Variants in SAMD13 observed in about 807,000 individuals in gnomAD.
The protein encoded by SAMD13 is sterile alpha motif domain-containing protein 13.
Under a neutral mutation model 12.4 loss-of-function variants are expected in SAMD13, and 9 were observed. The ratio of observed to expected loss-of-function variants is 0.72; its 90% confidence interval spans 0.44 to 1.26. The LOEUF is 1.26. SAMD13 is among the 50% of genes most tolerant of loss of function. The pLI, the probability that SAMD13 is intolerant of heterozygous loss-of-function variation, is 0.00. For synonymous variants in SAMD13, 46 were observed against 45.4 expected, an observed-to-expected ratio of 1.01 and a Z score of -0.05; for missense variants, 84 against 119.6, an observed-to-expected ratio of 0.70 and a Z score of 1.39.
At chr1:84,325,145 G>A (rs1679029684) in intron 2 of SAMD13, among the ~76,000 whole-genome samples, 1 of 152,168 alleles carries the variant, frequency 6.6e-6, no homozygotes, top group Admixed American at 6.5e-5. Flanking sequence ...ATGCTTCAAA[G>A]AGGAGGTAGT....
intron 3 of SAMD13, among the ~76,000 whole-genome samples, chr1:84,344,046 G>A (rs1024906514): frequency 6.7e-6 from 1 of 148,980 alleles, no homozygotes; most frequent in African/African-American, 2.5e-5. Context: ...CATCAGAAAT[G>A]TGTTTCAGGT....
chr1:84,308,556 G>T (rs1050195748), intron 2 of SAMD13, among the ~76,000 whole-genome samples: 1 of 152,108 alleles, frequency 6.6e-6, no homozygotes, highest in Non-Finnish European at 1.5e-5. Flanking sequence ...TTGCTTCTGG[G>T]CATCAGAAAG....
intron 3 of SAMD13, among the ~76,000 whole-genome samples, chr1:84,341,747 G>A (rs948290885): frequency 6.6e-6 from 1 of 152,064 alleles, no homozygotes; most frequent in Non-Finnish European, 1.5e-5. Flanking sequence ...AGAATGAGGA[G>A]TGAGAGACAG....
intron 2 of SAMD13, among the ~76,000 whole-genome samples, chr1:84,323,353 A>G (rs1678985524): frequency 6.6e-6 from 1 of 152,152 alleles, no homozygotes; most frequent in South Asian, 2.1e-4. Flanking sequence ...ATTTAGTAAC[A>G]TTAGGGTGAA....
Position 84,349,825 on chromosome 1 carries a change from T to G in SAMD13, c.*51T>G. On this transcript the variant is annotated 3_prime_UTR_variant, in exon 4 of 4. Transcript: ENST00000394834. ...TCAAAAAATACATAATGACATAATT[T>G]AGTTTCATGTAATGAAACTTTGTAA... The G allele has an allele frequency of 6.4e-7, 1 of 1,569,590 alleles. No homozygotes were observed. The highest frequency in any genetic ancestry group is 1.2e-5 in the South Asian group (1 of 84,050).
At chr1:84,304,999 G>A (rs1678536441) in intron 2 of SAMD13, among the ~76,000 whole-genome samples, 1 of 152,118 alleles carries the variant, frequency 6.6e-6, no homozygotes, top group Non-Finnish European at 1.5e-5. Context: ...GCAGGTCTCT[G>A]TGTGGACATA....
chr1:84,346,357 G>C (rs1224076715), intron 3 of SAMD13, among the ~76,000 whole-genome samples: 1 of 152,134 alleles, frequency 6.6e-6, no homozygotes, highest in African/African-American at 2.4e-5. Flanking sequence ...AACTTAATAA[G>C]TATGTAAACA....
upstream of SAMD13, chr1:84,299,541 C>A: frequency 7.2e-7 from 1 of 1,386,172 alleles, no homozygotes; most frequent in Non-Finnish European, 9.7e-7. Flanking sequence ...ACAAAGTACA[C>A]CACATAGTGC....
upstream of SAMD13, chr1:84,299,607 C>T (rs1678397608): frequency 2.0e-6 from 3 of 1,517,170 alleles, no homozygotes; most frequent in Non-Finnish European, 2.7e-6. Context: ...TTTTTATCAG[C>T]AGAGGATTGA....
intron 3 of SAMD13, among the ~76,000 whole-genome samples, chr1:84,339,830 A>C (rs983979430): frequency 2.6e-5 from 4 of 151,604 alleles, no homozygotes; most frequent in African/African-American, 9.8e-5. Context: ...ATCCAGACTT[A>C]CTCACATCCA....
upstream of SAMD13, among the ~76,000 whole-genome samples, chr1:84,300,787 C>T (rs539861653): frequency 3.3e-5 from 5 of 152,264 alleles, no homozygotes; most frequent in East Asian, 9.7e-4. Context: ...AAAGATCTTG[C>T]CCAGCCTCTC....
chr1:84,304,785 A>G (rs186424), intron 2 of SAMD13, among the ~76,000 whole-genome samples: 114,185 of 151,958 alleles, frequency 0.75, 43,081 homozygotes, highest in South Asian at 0.81. Flanking sequence ...ACACACACAT[A>G]TAGTTTCTGT....
intron 2 of SAMD13, among the ~76,000 whole-genome samples, chr1:84,323,902 T>A (rs1006035893): frequency 2.6e-5 from 4 of 152,182 alleles, no homozygotes; most frequent in Admixed American, 2.6e-4. Context: ...TTCTGCTTTG[T>A]GCTGTAGACT....
intron 2 of SAMD13, among the ~76,000 whole-genome samples, chr1:84,313,557 A>G (rs1051293242): frequency 6.6e-6 from 1 of 151,638 alleles, no homozygotes; most frequent in Non-Finnish European, 1.5e-5. Flanking sequence ...TTATCCTGGG[A>G]TGGGAGAAGG....
At chr1:84,316,470 G>A (rs1162314250) in intron 2 of SAMD13, among the ~76,000 whole-genome samples, 2 of 152,046 alleles carry the variant, frequency 1.3e-5, no homozygotes, top group African/African-American at 4.8e-5. Context: ...ATTAGTTGAA[G>A]AGACTCATCT....
chr1:84,313,379 C>G (rs760520960), intron 2 of SAMD13, among the ~76,000 whole-genome samples: 18 of 152,098 alleles, frequency 1.2e-4, no homozygotes, highest in Middle Eastern at 3.4e-3. Flanking sequence ...TGTGTTTGGC[C>G]ATGTTAGATT....
At chr1:84,303,400 T>G (rs1410224716) in intron 2 of SAMD13, 113 bp downstream of exon 2, 1 of 808,620 alleles carries the variant, frequency 1.2e-6, no homozygotes, top group African/African-American at 1.7e-5. Flanking sequence ...GTCGCCTTGG[T>G]TTGTCTACAC....
chr1:84,332,349 C>A (rs1178330947), intron 3 of SAMD13, among the ~76,000 whole-genome samples: 2 of 152,166 alleles, frequency 1.3e-5, no homozygotes, highest in Non-Finnish European at 2.9e-5. Context: ...ACATTCCCAC[C>A]ACTACTGCTG....
In SAMD13 at chr1:84,318,140, T is replaced by C. The variant is rs577946706; in HGVS notation, c.54-7497T>C. ...TTTCAAAAGCCCAAGTCTGAGTTGA[T>C]TTTATCTTACTGTTTTTCTATTCTC... On this transcript the variant is annotated intron_variant, in intron 2 of 3. Coordinates refer to ENST00000394834, the MANE Select transcript of SAMD13 (RefSeq NM_001134663.2). Among the ~76,000 whole-genome samples, 7 of 152,186 alleles carry C rather than the reference T, an allele frequency of 4.6e-5. No homozygotes were observed. The South Asian group carries it at 1.4e-3, about 32-fold the overall frequency.
Sources: gnomAD v4.1 joint callset for allele counts (sites outside exome capture counted in the v4.1 genomes callset) on GRCh38, gnomAD v4.1.1 for gene constraint, MANE v1.5 for transcripts, NCBI Gene and HGNC (gene_info 2026-07-23, HGNC 2026-07-21) for gene names.